AIFM3: variants seen among roughly 807,000 people sequenced by gnomAD.
The protein encoded by AIFM3 is apoptosis-inducing factor 3.
Under a neutral mutation model 82.7 loss-of-function variants are expected in AIFM3, and 71 were observed. The observed-to-expected ratio is 0.86, with a 90% CI of 0.71 to 1.05. The LOEUF (loss-of-function observed/expected upper bound fraction) is 1.05. Ranked by LOEUF, AIFM3 falls within the 50% of genes least tolerant of loss-of-function variation. AIFM3 has a pLI of 0.00. For synonymous variants in AIFM3, 337 were observed against 329.1 expected (o/e 1.02, Z -0.26); for missense variants, 748 against 816.7 (o/e 0.92, Z 1.03).
chr22:20,979,373 A>AC lies in AIFM3; in HGVS notation c.1576+8dup. On this transcript the variant is annotated splice_donor_region_variant and intron_variant, in intron 17 of 20. Coordinates refer to ENST00000440238, the MANE Select transcript of AIFM3 (RefSeq NM_001386814.1). Reference sequence around the variant, plus strand: ...GGCAAGAGCCTGCGCTACGCGGGTAACCCCGGGGCCTCGGATGGGGGCGGG... The same window carrying AC: ...GGCAAGAGCCTGCGCTACGCGGGTAACCCCCGGGGCCTCGGATGGGGGCGGG... 7.6e-7 allele frequency: 1 copy of AC among 1,312,044 alleles called. No homozygotes were observed. The highest frequency in any genetic ancestry group is 9.9e-7 in the Non-Finnish European group (1 of 1,012,056). The allele number at this position is 1,312,044 out of a possible 1,614,324, so 81.3% of individuals were successfully genotyped here.
At chr22:20,977,387 A>G (rs1293534742) in intron 14 of AIFM3, 2 of 602,772 alleles carry the variant, frequency 3.3e-6, no homozygotes, top group Non-Finnish European at 5.9e-6. Context: ...GCTCCAGCTG[A>G]AGTGCCAATT....
intron 2 of AIFM3, among the ~76,000 whole-genome samples, chr22:20,968,595 G>C (rs1442180947): frequency 6.6e-6 from 1 of 152,136 alleles, no homozygotes; most frequent in Non-Finnish European, 1.5e-5. Flanking sequence ...GTGTCCTGGG[G>C]TGCTAGGGGA....
At position 20,973,460 on chromosome 22, in the gene AIFM3, C is replaced by G. The variant is rs1480279448; in HGVS notation, c.185C>G (p.Pro62Arg). ...CGCCTGTCCACCCCTCACCCCTACCCCAGCCCTCAGGATTGCGTGGAGGCT... is the reference window on the plus strand; with the variant it reads ...CGCCTGTCCACCCCTCACCCCTACCGCAGCCCTCAGGATTGCGTGGAGGCT... Reference protein sequence around the residue: ...EERLSTPHPYPSPQDCVEAAV... With the variant: ...EERLSTPHPYRSPQDCVEAAV... The change falls in exon 3 of 21, where the codon CCC becomes CGC. Residue 62 changes from proline (P) to arginine (R), a missense_variant. By Grantham distance (103) the Pro-to-Arg change is moderately radical. This residue lies in a region of AIFM3 where 148 missense variants were observed against 134.1 expected (regional missense o/e 1.10). Transcript: ENST00000440238. 6.2e-7 allele frequency: 1 copy of G among 1,613,222 alleles called. No homozygotes were observed. Among genetic ancestry groups the G allele is most frequent in the Non-Finnish European group, 8.5e-7 (1 of 1,180,010 alleles).
In AIFM3 at chr22:20,974,932, G is replaced by A. The variant is rs7288963; in HGVS notation, c.720+116G>A. On this transcript the variant is annotated intron_variant, in intron 8 of 20. Coordinates refer to ENST00000440238, the MANE Select transcript of AIFM3 (RefSeq NM_001386814.1). ...CCGGCTGCCCTCCCTGCTTATGCCA[G>A]GCCTGTCCGTGGTACCCCCAAAAGA... 17,710 of 951,708 alleles carry A rather than the reference G, an allele frequency of 0.019. 2,070 individuals carry two copies. The African/African-American group carries it at 0.26, about 14-fold the overall frequency. 59.0% of individuals were successfully genotyped at this position (951,708 alleles called of 1,614,324 possible). A position where few individuals can be genotyped will look rare whatever the true frequency, so the allele number is the denominator to read the frequency against.
intron 17 of AIFM3, 120 bp from the exon 18 acceptor site, chr22:20,979,507 G>A: frequency 6.8e-7 from 1 of 1,479,544 alleles, no homozygotes; most frequent in East Asian, 2.3e-5. Context: ...TGGCGGCAAG[G>A]CTACGAACTA....
At chr22:20,980,213 C>A in intron 19 of AIFM3, 89 bp downstream of exon 19, 6 of 1,169,774 alleles carry the variant, frequency 5.1e-6, no homozygotes, top group Non-Finnish European at 7.3e-6. Flanking sequence ...CCCCCACAAC[C>A]CTCCAGGGCC....
At chr22:20,979,882 A>G in intron 18 of AIFM3, 138 bp from the exon 19 acceptor site, 1 of 1,112,670 alleles carries the variant, frequency 9.0e-7, no homozygotes, top group Non-Finnish European at 1.3e-6. Flanking sequence ...CAAAGCAGGG[A>G]GGGCTGGGTG....
At chr22:20,980,928 A>G in intron 20 of AIFM3, 64 bp from the exon 21 acceptor site, 1 of 1,612,568 alleles carries the variant, frequency 6.2e-7, no homozygotes, top group Non-Finnish European at 8.5e-7. Flanking sequence ...CCAGCTGTTC[A>G]GGGTGCCCAG....
At chr22:20,968,025 T>TCCTCCC (rs1188973691) in intron 2 of AIFM3, 50 bp downstream of exon 2, 1 of 1,381,626 alleles carries the variant, frequency 7.2e-7, no homozygotes, top group Non-Finnish European at 9.6e-7. Flanking sequence ...CCCCGCCTCC[T>TCCTCCC]CCTCCCCCGT....
At chr22:20,980,666 T>C in intron 19 of AIFM3, 81 bp from the exon 20 acceptor site, 1 of 1,594,588 alleles carries the variant, frequency 6.3e-7, no homozygotes, top group Non-Finnish European at 8.6e-7. Flanking sequence ...CTGGAAACAA[T>C]GGAGGACCAG....
chr22:20,979,992 C>A, intron 18 of AIFM3, 28 bp from the exon 19 acceptor site: 2 of 1,601,980 alleles, frequency 1.2e-6, no homozygotes, highest in South Asian at 1.1e-5. Context: ...CCTCGCAGTC[C>A]TCAGGCTTGG....
intron 15 of AIFM3, 33 bp from the exon 16 acceptor site, chr22:20,977,855 A>G: frequency 6.2e-7 from 1 of 1,613,954 alleles, no homozygotes; most frequent in Non-Finnish European, 8.5e-7. Flanking sequence ...GGCCCCTGTC[A>G]CACCCATGGA....
At chr22:20,973,159 G>T in intron 2 of AIFM3, 148 bp from the exon 3 acceptor site, 1 of 899,014 alleles carries the variant, frequency 1.1e-6, no homozygotes, top group Admixed American at 2.3e-5. Context: ...CTCTTTGCTG[G>T]GCTGGTGGTG....
chr22:20,979,209 A>G, intron 16 of AIFM3, 62 bp from the exon 17 acceptor site: 1 of 1,517,770 alleles, frequency 6.6e-7, no homozygotes, highest in Non-Finnish European at 9.0e-7. Context: ...GGGCATCAGG[A>G]GCAGGTAGTG....
In AIFM3 at chr22:20,973,320, C is replaced by A; in HGVS notation, c.45C>A (p.Ile15=). The change falls in exon 3 of 21, where the codon ATC becomes ATA. Residue 15 remains isoleucine (I), a synonymous_variant. Transcript: ENST00000440238. ...CCTTGCCCACAGTGGAGCTCAAGAT[C>A]GAGGTGGTGCTGCCTGAGAAGGAGC... is the stretch of plus-strand genomic sequence containing the variant. ...FSKPKPVELK[I]EVVLPEKERG... 6.3e-7 allele frequency: 1 copy of A among 1,589,700 alleles called. No individual in the cohort carries two copies. Among genetic ancestry groups the A allele is most frequent in the Non-Finnish European group, 8.6e-7 (1 of 1,168,568 alleles).
At chr22:20,978,064 C>T in intron 16 of AIFM3, 59 bp downstream of exon 16, 8 of 1,494,128 alleles carry the variant, frequency 5.4e-6, no homozygotes, top group Non-Finnish European at 7.5e-6. Context: ...TCTCAGTGTC[C>T]CCATGCCCAT....
At chr22:20,966,344 C>G (rs1197794412), upstream of AIFM3, among the ~76,000 whole-genome samples, 1 of 152,214 alleles carries the variant, frequency 6.6e-6, no homozygotes, top group Non-Finnish European at 1.5e-5. Context: ...TACAGACCTT[C>G]TTTGATGACA....
chr22:20,970,162 G>A (rs1195675758), intron 2 of AIFM3, among the ~76,000 whole-genome samples: 1 of 152,210 alleles, frequency 6.6e-6, no homozygotes, highest in Non-Finnish European at 1.5e-5. Flanking sequence ...CTGCTAGGAG[G>A]CTCAGAGCTA....
intron 2 of AIFM3, among the ~76,000 whole-genome samples, chr22:20,969,436 A>AT (rs565306730): frequency 0.086 from 12,622 of 147,200 alleles, 1,242 homozygotes; most frequent in African/African-American, 0.21. Flanking sequence ...CACTTGCGGA[A>AT]TTTTTTTTTT....
Sources: gnomAD v4.1 joint callset for allele counts (sites outside exome capture counted in the v4.1 genomes callset) on GRCh38, gnomAD v4.1.1 for gene constraint, gnomAD v4.1.1 regional missense constraint, MANE v1.5 for transcripts, NCBI Gene and HGNC (gene_info 2026-07-23, HGNC 2026-07-21) for gene names.